Variants in GLI3 observed in about 807,000 individuals in gnomAD.
GLI3 encodes GLI family zinc finger 3, also known as transcription activator GLI3.
A neutral mutation model predicts 100.8 loss-of-function variants in GLI3; 20 were observed. That is an observed-to-expected ratio of 0.20 (90% CI 0.14 to 0.29). GLI3 has a LOEUF of 0.29. GLI3 is among the 10% of genes least tolerant of loss of function. The probability of loss-of-function intolerance (pLI) is 1.00; values close to 1 mark genes in which losing one functional copy is unlikely to be tolerated. For synonymous variants in GLI3, 938 were observed against 860.5 expected (o/e 1.09, Z -1.58); for missense variants, 2,040 against 2,128.5 (o/e 0.96, Z 0.82).
At chr7:42,093,569 C>T (rs1211556149) in intron 3 of GLI3, among the ~76,000 whole-genome samples, 2 of 152,020 alleles carry the variant, frequency 1.3e-5, no homozygotes, top group African/African-American at 4.8e-5. Context: ...TTGTTCTGGA[C>T]AGGGTCAGAT....
At chr7:42,003,816 G>A (rs528725929) in intron 10 of GLI3, among the ~76,000 whole-genome samples, 164 of 152,242 alleles carry the variant, frequency 1.1e-3, no homozygotes, top group Non-Finnish European at 1.8e-3. Flanking sequence ...TAGATATGAC[G>A]TAGAATATAT....
chr7:42,043,156 T>C (rs771758664), intron 6 of GLI3, among the ~76,000 whole-genome samples: 10 of 152,200 alleles, frequency 6.6e-5, no homozygotes, highest in African/African-American at 9.6e-5. Context: ...ACAACCACTA[T>C]AAAAATTTAG....
intron 3 of GLI3, among the ~76,000 whole-genome samples, chr7:42,112,672 C>G (rs972498313): frequency 4.6e-5 from 7 of 152,086 alleles, no homozygotes; most frequent in Non-Finnish European, 1.0e-4. Context: ...TCCCAACCAA[C>G]ATTCTTTCAA....
chr7:41,965,506 G>A lies in GLI3; in HGVS notation c.3567C>T (p.Arg1189=). ...CGPRPAVPQT[R]AFGFCNGMVV... is the part of the protein sequence containing the mutation. Reference sequence around the variant, plus strand: ...CCATGCCGTTGCAGAACCCAAAGGCGCGAGTCTGCGGCACAGCGGGCCGCG... The same window carrying A: ...CCATGCCGTTGCAGAACCCAAAGGCACGAGTCTGCGGCACAGCGGGCCGCG... The change falls in exon 15 of 15, where the codon CGC becomes CGT. Residue 1189 remains arginine, a synonymous_variant. Transcript: ENST00000395925. 1 of 1,607,422 alleles carries A rather than the reference G, an allele frequency of 6.2e-7. No homozygotes were observed. Among genetic ancestry groups the A allele is most frequent in the Non-Finnish European group, 8.5e-7 (1 of 1,175,086 alleles).
At chr7:42,010,084 AGT>A (rs1304103781) in intron 10 of GLI3, among the ~76,000 whole-genome samples, 2 of 152,234 alleles carry the variant, frequency 1.3e-5, no homozygotes, top group Non-Finnish European at 2.9e-5. Flanking sequence ...GAATGCTTAC[AGT>A]GGCTTTCTGG....
intron 2 of GLI3, among the ~76,000 whole-genome samples, chr7:42,154,769 T>C (rs533219495): frequency 2.0e-5 from 3 of 152,330 alleles, no homozygotes; most frequent in Admixed American, 2.0e-4. Flanking sequence ...TAGATTGCAG[T>C]TCTGCCAAAG....
At chr7:42,226,565 T>A (rs968692426) in intron 1 of GLI3, among the ~76,000 whole-genome samples, 1 of 152,208 alleles carries the variant, frequency 6.6e-6, no homozygotes, top group African/African-American at 2.4e-5. Context: ...TGGATTTTTT[T>A]AAAAATAGGC....
intron 3 of GLI3, among the ~76,000 whole-genome samples, chr7:42,092,842 C>T (rs1785255169): frequency 6.7e-6 from 1 of 150,360 alleles, no homozygotes; most frequent in African/African-American, 2.5e-5. Context: ...GAGACGGAGT[C>T]TTGCTCTGTT....
At chr7:42,165,288 C>A (rs1787219380) in intron 2 of GLI3, among the ~76,000 whole-genome samples, 1 of 152,098 alleles carries the variant, frequency 6.6e-6, no homozygotes, top group Admixed American at 6.5e-5. Flanking sequence ...TGCATCCCTA[C>A]TATAGAAACC....
chr7:42,216,871 T>C (rs1788388329), intron 2 of GLI3, among the ~76,000 whole-genome samples: 1 of 152,208 alleles, frequency 6.6e-6, no homozygotes, highest in Admixed American at 6.5e-5. Flanking sequence ...GATGGGATAG[T>C]AGCATATCTA....
intron 5 of GLI3, 54 bp from the exon 6 acceptor site, chr7:42,045,584 T>C: frequency 2.5e-6 from 4 of 1,576,314 alleles, no homozygotes; most frequent in Non-Finnish European, 3.5e-6. Context: ...CAACTAGAAG[T>C]TTCTCTTGAG....
In GLI3 at chr7:42,229,789, C is replaced by G. The variant is rs1332980434; in HGVS notation, c.-42-6494G>C. 4.0e-5 allele frequency among the ~76,000 whole-genome samples: 6 copies of G among 151,870 alleles called. No homozygotes were observed. In the East Asian group the frequency reaches 1.2e-3, roughly 29 times the overall value. On this transcript the variant is annotated intron_variant, in intron 1 of 14. Transcript: ENST00000395925. ...AGAAAGAGAATTTTTTTTTCAGAAT[C>G]AAGAAGTACAAACTAATGTTGATTT...
chr7:42,217,186 G>A (rs531617450), intron 2 of GLI3, among the ~76,000 whole-genome samples: 23 of 152,278 alleles, frequency 1.5e-4, no homozygotes, highest in African/African-American at 5.5e-4. Context: ...ACACACGAGC[G>A]AGTAATTACA....
intron 2 of GLI3, chr7:42,172,630 C>T (rs990109360): frequency 1.4e-6 from 1 of 702,988 alleles, no homozygotes; most frequent in Admixed American, 2.0e-5. Context: ...GGATGGACAG[C>T]GCGGATGCAT....
chr7:42,180,544 G>A (rs1318941309), intron 2 of GLI3, among the ~76,000 whole-genome samples: 2 of 152,222 alleles, frequency 1.3e-5, no homozygotes, highest in African/African-American at 4.8e-5. Context: ...TGACACAGGC[G>A]GGAGAGAGGT....
At chr7:42,201,069 A>T (rs1252369478) in intron 2 of GLI3, among the ~76,000 whole-genome samples, 1 of 152,184 alleles carries the variant, frequency 6.6e-6, no homozygotes, top group Non-Finnish European at 1.5e-5. Context: ...GTATACACTA[A>T]GTTTTTTCTT....
intron 5 of GLI3, among the ~76,000 whole-genome samples, chr7:42,046,064 C>T (rs1784238387): frequency 6.6e-6 from 1 of 152,214 alleles, no homozygotes; most frequent in Non-Finnish European, 1.5e-5. Context: ...TACAATTTTA[C>T]ATTCCATAAT....
At chr7:42,111,441 A>G (rs372073723) in intron 3 of GLI3, among the ~76,000 whole-genome samples, 1 of 152,158 alleles carries the variant, frequency 6.6e-6, no homozygotes, top group African/African-American at 2.4e-5. Flanking sequence ...TCTTGGGGGC[A>G]TTTCAAGAAG....
chr7:42,006,014 A>T (rs1431288156), intron 10 of GLI3, among the ~76,000 whole-genome samples: 1 of 152,250 alleles, frequency 6.6e-6, no homozygotes, highest in Admixed American at 6.5e-5. Flanking sequence ...TGTTTCTACC[A>T]TAAAGGATCT....
Sources: allele counts gnomAD v4.1 joint callset (sites outside exome capture counted in the v4.1 genomes callset), GRCh38; gene constraint gnomAD v4.1.1; transcripts MANE v1.5; gene names NCBI Gene and HGNC (gene_info 2026-07-23, HGNC 2026-07-21).